The following COL4A1 variants were observed in gnomAD, a reference collection of about 807,000 sequenced individuals.
The protein encoded by COL4A1 is collagen type IV alpha 1 chain, also known as collagen alpha-1(IV) chain.
COL4A1 carries 40 observed loss-of-function variants against 216.6 expected under a neutral mutation model. That is an observed-to-expected ratio of 0.18 (90% CI 0.14 to 0.24). COL4A1 has a LOEUF of 0.24. COL4A1 is among the 10% of genes least tolerant of loss of function. The pLI, the probability that COL4A1 is intolerant of heterozygous loss-of-function variation, is 1.00. For missense variants in COL4A1, 1,628 were observed against 2,196.8 expected (o/e 0.74, Z 5.18); for synonymous variants, 839 against 810.7 (o/e 1.03, Z -0.59).
chr13:110,198,078 G>GTGTGTGTGTGTGTGTGTGTGTGTGTGT (rs1555305317), intron 21 of COL4A1, among the ~76,000 whole-genome samples: 1 of 141,842 alleles, frequency 7.1e-6, no homozygotes, highest in African/African-American at 2.7e-5. Context: ...TTGTTTCTGG[G>GTGTGTGTGTGTGTGTGTGTGTGTGTGT]GTGTGTGTGT....
intron 1 of COL4A1, among the ~76,000 whole-genome samples, chr13:110,249,959 A>C (rs1272929419): frequency 6.6e-6 from 1 of 152,222 alleles, no homozygotes; most frequent in Non-Finnish European, 1.5e-5. Context: ...TTGTGCTTTC[A>C]TCTGCATTTG....
Position 110,197,308 on chromosome 13 carries a change from C to A in COL4A1, c.1285+1159G>T, listed in dbSNP as rs1226576891. On this transcript the variant is annotated intron_variant, in intron 21 of 51. Transcript: ENST00000375820. ...ATGAGAATTCCCTTGTCTTGGGTAA[C>A]CCCTGTCAGCCCCATGGAATACTTG... Among the ~76,000 whole-genome samples the A allele has an allele frequency of 2.0e-5, 3 of 150,364 alleles. No homozygotes were observed. The East Asian group carries it at 5.9e-4, about 30-fold the overall frequency.
At chr13:110,241,666 T>C (rs1217728802) in intron 2 of COL4A1, among the ~76,000 whole-genome samples, 2 of 152,196 alleles carry the variant, frequency 1.3e-5, no homozygotes, top group Admixed American at 1.3e-4. Flanking sequence ...TCAAAAACTA[T>C]CCAGGTAACA....
intron 1 of COL4A1, among the ~76,000 whole-genome samples, chr13:110,277,059 T>A (rs975054851): frequency 2.0e-5 from 3 of 152,224 alleles, no homozygotes; most frequent in African/African-American, 7.2e-5. Context: ...TCAGTAGACA[T>A]CTGGGTTTTT....
intron 17 of COL4A1, among the ~76,000 whole-genome samples, chr13:110,204,641 T>G (rs1163561539): frequency 8.5e-6 from 1 of 117,020 alleles, no homozygotes; most frequent in Admixed American, 9.5e-5. Context: ...TGACAAATAT[T>G]TTTTAGATTT....
rs770887997 is a variant in COL4A1, at chr13:110,177,901, G to T, written c.2657C>A (p.Thr886Asn). 6.2e-6 allele frequency: 10 copies of T among 1,614,036 alleles called. No homozygotes were observed. Among genetic ancestry groups the T allele is most frequent in the African/African-American group, 1.3e-5 (1 of 74,910 alleles). The change falls in exon 33 of 52, where the codon ACC becomes AAC. Residue 886 changes from threonine (T) to asparagine (N), a missense_variant. Thr to Asn is a moderately conservative substitution (Grantham distance 65). Coordinates refer to ENST00000375820, the MANE Select transcript of COL4A1 (RefSeq NM_001845.6). ...GSKGEMGVMG[T>N]PGQPGSPGPV... is the part of the protein sequence containing the mutation. ...TCCTGGTGAGCCCGGCTGCCCGGGG[G>T]TCCCCATGACGCCCATTTCTCCCTT...
intron 1 of COL4A1, among the ~76,000 whole-genome samples, chr13:110,253,335 ATTACATATACATATAAT>A (rs1882295889): frequency 2.5e-5 from 2 of 78,506 alleles, no homozygotes; most frequent in African/African-American, 5.1e-5. Context: ...AATTATATGT[ATTACATATACATATAAT>A]TATATGTATT....
chr13:110,183,004 G>C lies in COL4A1; in HGVS notation c.2084C>G (p.Pro695Arg). The change falls in exon 28 of 52, where the codon CCC becomes CGC. Residue 695 changes from proline to arginine, a missense_variant. Coordinates refer to ENST00000375820, the MANE Select transcript of COL4A1 (RefSeq NM_001845.6). ...GQPGIGFPGP[P>R]GPKGVDGLPG... ...TCTGGCAGGGTTACCTTTGGGGCCG[G>C]GGGGCCCTGGAAATCCAATGCCTGG... 6.2e-7 allele frequency: 1 copy of C among 1,612,600 alleles called. No homozygotes were observed. Among genetic ancestry groups the C allele is most frequent in the Non-Finnish European group, 8.5e-7 (1 of 1,179,682 alleles).
intron 1 of COL4A1, among the ~76,000 whole-genome samples, chr13:110,255,458 G>A (rs1269136514): frequency 6.8e-6 from 1 of 146,352 alleles, no homozygotes. Flanking sequence ...ATGGCTCAAG[G>A]ACCAATTCAG....
At chr13:110,290,862 C>T (rs1197044908) in intron 1 of COL4A1, among the ~76,000 whole-genome samples, 7 of 152,170 alleles carry the variant, frequency 4.6e-5, no homozygotes, top group African/African-American at 7.2e-5. Flanking sequence ...TCTATCCTGC[C>T]GGTGACGCTG....
chr13:110,296,108 C>T (rs928603866), intron 1 of COL4A1, among the ~76,000 whole-genome samples: 6 of 152,262 alleles, frequency 3.9e-5, no homozygotes, highest in African/African-American at 1.4e-4. Flanking sequence ...AAATCGCTTA[C>T]AGGAAGAAAT....
intron 2 of COL4A1, among the ~76,000 whole-genome samples, chr13:110,225,071 C>T (rs1206290776): frequency 2.0e-5 from 3 of 151,506 alleles, no homozygotes; most frequent in African/African-American, 7.3e-5. Flanking sequence ...AATTATTTAT[C>T]AAAATTGGGT....
At chr13:110,181,414 AAAC>A (rs1214189540) in intron 28 of COL4A1, 25 bp from the exon 29 acceptor site, 116 of 1,575,196 alleles carry the variant, frequency 7.4e-5, no homozygotes, top group Non-Finnish European at 8.7e-5. Flanking sequence ...CAAAAAAAAA[AAAC>A]AAACAAACAA....
At chr13:110,256,032 A>G (rs1378341062) in intron 1 of COL4A1, among the ~76,000 whole-genome samples, 1 of 152,120 alleles carries the variant, frequency 6.6e-6, no homozygotes, top group Non-Finnish European at 1.5e-5. Flanking sequence ...AATTAGACAA[A>G]TTTTATGTGA....
At position 110,183,247 on chromosome 13, in the gene COL4A1, G is replaced by T; in HGVS notation, c.1927C>A (p.Pro643Thr). The change falls in exon 27 of 52, where the codon CCT (proline) becomes ACT (threonine). Residue 643 changes from proline to threonine, a missense_variant. Transcript: ENST00000375820. ...TCTGCTCCAGGGGGGCCTGGTAAAG[G>T]AACAATTTTTCCTGGTTCACCCTTT... is the stretch of plus-strand genomic sequence containing the variant. Reference protein sequence around the residue: ...GPKGEPGKIVPLPGPPGAEGL... With the variant: ...GPKGEPGKIVTLPGPPGAEGL... 1 of 1,613,670 alleles carries T rather than the reference G, an allele frequency of 6.2e-7. No individual in the cohort carries two copies. The highest frequency in any genetic ancestry group is 8.5e-7 in the Non-Finnish European group (1 of 1,179,970).
intron 48 of COL4A1, 60 bp downstream of exon 48, chr13:110,162,170 A>T (rs748598865): frequency 1.4e-6 from 2 of 1,465,230 alleles, no homozygotes; most frequent in Non-Finnish European, 1.9e-6. Context: ...CCAGCACTGC[A>T]CACCGAAGGC....
intron 24 of COL4A1, among the ~76,000 whole-genome samples, chr13:110,188,964 T>G (rs967417907): frequency 4.0e-5 from 6 of 151,332 alleles, no homozygotes; most frequent in African/African-American, 1.4e-4. Flanking sequence ...TCTGCACTGT[T>G]CAATATGACT....
At chr13:110,193,067 G>A (rs1222892610) in intron 22 of COL4A1, among the ~76,000 whole-genome samples, 154 bp from the exon 23 acceptor site, 1 of 152,206 alleles carries the variant, frequency 6.6e-6, no homozygotes. Context: ...ACAGCTCTCT[G>A]CTAATGGGTG....
At chr13:110,154,783 G>GTCATATGGAGAAGCTGGTCATATAC (rs1187287287) in intron 50 of COL4A1, among the ~76,000 whole-genome samples, 3 of 152,170 alleles carry the variant, frequency 2.0e-5, no homozygotes, top group South Asian at 2.1e-4. Flanking sequence ...TGGTCATATA[G>GTCATATGGAGAAGCTGGTCATATAC]AGAAGCTGCT....
Sources: allele counts gnomAD v4.1 joint callset (sites outside exome capture counted in the v4.1 genomes callset), GRCh38; gene constraint gnomAD v4.1.1; transcripts MANE v1.5; gene names NCBI Gene and HGNC (gene_info 2026-07-23, HGNC 2026-07-21).